The following RANBP3L variants were observed in gnomAD, a reference collection of about 807,000 sequenced individuals.
RANBP3L encodes the protein ran-binding protein 3-like.
A neutral mutation model predicts 67.2 loss-of-function variants in RANBP3L; 56 were observed. The observed-to-expected ratio is 0.83, with a 90% confidence interval of 0.67 to 1.04. The LOEUF (loss-of-function observed/expected upper bound fraction) is 1.04. Ranked by LOEUF, RANBP3L falls within the 50% of genes least tolerant of loss-of-function variation. RANBP3L has a pLI of 0.00. For synonymous variants in RANBP3L, 164 were observed against 181.4 expected (o/e 0.90, Z 0.77); for missense variants, 496 against 535.5 (o/e 0.93, Z 0.73).
chr5:36,250,275 T>C (rs1445396506), intron 13 of RANBP3L, among the ~76,000 whole-genome samples: 1 of 151,948 alleles, frequency 6.6e-6, no homozygotes, highest in Non-Finnish European at 1.5e-5. Context: ...ATTTTATATG[T>C]TTTAAAGACT....
rs1554017945 is a variant in RANBP3L, at chr5:36,277,422, CTA to C, written c.92-6113_92-6112del. Among the ~76,000 whole-genome samples, 125 of 115,292 alleles carry C rather than the reference CTA, an allele frequency of 1.1e-3. 1 individual carries two copies. The highest frequency in any genetic ancestry group is 5.5e-3 in the East Asian group (23 of 4,190). The allele number at this position is 115,292 out of a possible 152,430, so 75.6% of individuals were successfully genotyped here. A position where few individuals can be genotyped will look rare whatever the true frequency, so the allele number is the denominator to read the frequency against. On this transcript the variant is annotated intron_variant, in intron 1 of 13. Transcript: ENST00000296604. ...CATCTCTCTCTCTCTCTCTCTCTCT[CTA>C]TATATATATATATATATGTGTGTGT...
Position 36,248,661 on chromosome 5 carries a change from G to A in RANBP3L, c.*993C>T, listed in dbSNP as rs1748413484. The A allele has an allele frequency of 6.6e-6, 1 of 152,048 alleles. No individual in the cohort carries two copies. Among genetic ancestry groups the A allele is most frequent in the Non-Finnish European group, 1.5e-5 (1 of 67,986 alleles). The allele number at this position is 152,048 out of a possible 1,614,324, so 9.4% of individuals were successfully genotyped here. A position where few individuals can be genotyped will look rare whatever the true frequency, so the allele number is the denominator to read the frequency against. On this transcript the variant is annotated 3_prime_UTR_variant, in exon 14 of 14. Transcript: ENST00000296604. The stretch of plus-strand genomic sequence containing the variant: ...ATCCCCTAATCAGATAATTGCTTAG[G>A]GGTCACAATCAAAGTCACTTCGAAG...
chr5:36,290,469 G>A (rs540647352), intron 1 of RANBP3L, among the ~76,000 whole-genome samples: 2 of 151,704 alleles, frequency 1.3e-5, no homozygotes, highest in East Asian at 1.9e-4. Flanking sequence ...TGCCCACCTC[G>A]GTCTCCCAAA....
At chr5:36,257,195 T>A in intron 9 of RANBP3L, 124 bp from the exon 10 acceptor site, 1 of 807,514 alleles carries the variant, frequency 1.2e-6, no homozygotes. Context: ...TTCTAAAAAT[T>A]CAGACTGCTT....
intron 11 of RANBP3L, 85 bp from the exon 12 acceptor site, chr5:36,253,874 A>G: frequency 7.2e-7 from 1 of 1,393,246 alleles, no homozygotes; most frequent in Non-Finnish European, 9.8e-7. Context: ...TAAATCTTGT[A>G]GTTGTTTTTC....
At position 36,251,461 on chromosome 5, in the gene RANBP3L, T is replaced by C; in HGVS notation, c.1206A>G (p.Ile402Met). The change falls in exon 13 of 14, where the codon ATA becomes ATG. Residue 402 changes from isoleucine (I) to methionine (M), a missense_variant. By Grantham distance (10) the Ile-to-Met change is conservative. Coordinates refer to ENST00000296604, the MANE Select transcript of RANBP3L (RefSeq NM_145000.5). Reference sequence around the variant, plus strand: ...TTTGAAGTGCAACAAGACGATGATGTATTGCTGCATACAAATATGCTGTAT... The same window carrying C: ...TTTGAAGTGCAACAAGACGATGATGCATTGCTGCATACAAATATGCTGTAT... ...AQDTAYLYAAIHHRLVALQSF... is the reference protein window; with the variant it reads ...AQDTAYLYAAMHHRLVALQSF... The C allele has an allele frequency of 6.2e-7, 1 of 1,612,458 alleles. No individual in the cohort carries two copies. Among genetic ancestry groups the C allele is most frequent in the Non-Finnish European group, 8.5e-7 (1 of 1,179,068 alleles).
intron 1 of RANBP3L, among the ~76,000 whole-genome samples, chr5:36,292,099 G>A (rs999881331): frequency 6.7e-6 from 1 of 149,648 alleles, no homozygotes; most frequent in Non-Finnish European, 1.5e-5. Context: ...CATTCTAACT[G>A]GTGTGAGATG....
chr5:36,247,726 A>G lies in RANBP3L; in HGVS notation c.*1928T>C, dbSNP rs1748365290. 6.6e-6 allele frequency among the ~76,000 whole-genome samples: 1 copy of G among 152,174 alleles called. No individual in the cohort carries two copies. The highest frequency in any genetic ancestry group is 2.1e-4 in the South Asian group (1 of 4,814). ...TGGTGAAACCCCGTCTCTACTAAAA[A>G]TACAAAAATTAGCCAGGTATGATGG... On this transcript the variant is annotated 3_prime_UTR_variant, in exon 14 of 14. Coordinates refer to ENST00000296604, the MANE Select transcript of RANBP3L (RefSeq NM_145000.5).
chr5:36,301,344 C>T lies in RANBP3L; in HGVS notation c.73G>A (p.Glu25Lys), dbSNP rs755548569. ...SLHTCKLKLQ[E>K]DRRQQEKSVI... ...GACTCACCTTGCTGTCGCCGGTCCT[C>T]CTGCAGCTTCAGTTTACAGGTGTGC... is the stretch of plus-strand genomic sequence containing the variant. Residue 25 changes from glutamate (E) to lysine (K), a missense_variant, in exon 1 of 14, where the codon GAG becomes AAG. Glu to Lys is a moderately conservative substitution (Grantham distance 56, BLOSUM62 1). Coordinates refer to ENST00000296604, the MANE Select transcript of RANBP3L (RefSeq NM_145000.5). The T allele has an allele frequency of 9.9e-6, 16 of 1,613,596 alleles. No individual in the cohort carries two copies. The Admixed American group carries it at 2.0e-4, about 20-fold the overall frequency.
chr5:36,258,202 CT>C (rs1749131568), intron 8 of RANBP3L, among the ~76,000 whole-genome samples: 1 of 152,128 alleles, frequency 6.6e-6, no homozygotes, highest in Non-Finnish European at 1.5e-5. Context: ...ACTTGGGGCT[CT>C]GTATGTCTGT....
chr5:36,301,501 C>T lies in RANBP3L; in HGVS notation c.-85G>A, dbSNP rs62354464. 8 of 890,144 alleles carry T rather than the reference C, an allele frequency of 9.0e-6. No individual in the cohort carries two copies. Among genetic ancestry groups the T allele is most frequent in the Non-Finnish European group, 1.5e-5 (8 of 535,192 alleles). The allele number at this position is 890,144 out of a possible 1,614,324, so 55.1% of individuals were successfully genotyped here. ...CACCTAAAGTGGCCTTCACCAGACA[C>T]CCAGAAATACATAGATTCATGCAGA... On this transcript the variant is annotated 5_prime_UTR_variant, in exon 1 of 14. It adds an upstream start codon to the 5' untranslated region. Coordinates refer to ENST00000296604, the MANE Select transcript of RANBP3L (RefSeq NM_145000.5).
intron 8 of RANBP3L, among the ~76,000 whole-genome samples, chr5:36,258,818 G>A (rs750903588): frequency 2.7e-4 from 41 of 152,146 alleles, no homozygotes; most frequent in Non-Finnish European, 5.3e-4. Context: ...AACCACTTAG[G>A]TGGTTTTCAA....
At chr5:36,277,422 C>CTCTCTCTA (rs377029015) in intron 1 of RANBP3L, among the ~76,000 whole-genome samples, 11 of 115,252 alleles carry the variant, frequency 9.5e-5, no homozygotes, top group African/African-American at 3.0e-4. Flanking sequence ...CTCTCTCTCT[C>CTCTCTCTA]TATATATATA....
intron 10 of RANBP3L, 126 bp downstream of exon 10, chr5:36,256,815 A>G: frequency 1.2e-6 from 1 of 840,482 alleles, no homozygotes; most frequent in Non-Finnish European, 1.8e-6. Context: ...CAACATTTTT[A>G]TTTAAGCAAC....
chr5:36,289,978 T>C (rs1183281801), intron 1 of RANBP3L, among the ~76,000 whole-genome samples: 4 of 152,196 alleles, frequency 2.6e-5, no homozygotes, highest in African/African-American at 9.7e-5. Context: ...AAGAGGAAAA[T>C]GTGCAATCTT....
intron 4 of RANBP3L, among the ~76,000 whole-genome samples, chr5:36,267,899 A>G (rs1046022317): frequency 6.6e-6 from 1 of 152,124 alleles, no homozygotes; most frequent in African/African-American, 2.4e-5. Context: ...AGTAAGTAAA[A>G]TAATGCAAAT....
chr5:36,256,806 A>T, intron 10 of RANBP3L, 135 bp downstream of exon 10: 1 of 751,766 alleles, frequency 1.3e-6, no homozygotes. Flanking sequence ...GAGAGCATCC[A>T]ACATTTTTAT....
intron 1 of RANBP3L, among the ~76,000 whole-genome samples, chr5:36,295,497 CAATT>C (rs979092322): frequency 6.6e-6 from 1 of 152,096 alleles, no homozygotes; most frequent in Non-Finnish European, 1.5e-5. Flanking sequence ...AACTGTGTGT[CAATT>C]AAACCTCTTT....
Position 36,301,419 on chromosome 5 carries a change from T to A in RANBP3L, c.-3A>T. On this transcript the variant is annotated 5_prime_UTR_variant, in exon 1 of 14. Transcript: ENST00000296604. ...CCTTTTCTTGGTATGGTAGTCATGG[T>A]CCTAGCAGTATGGCTGTGACTCAAG... 6.2e-7 allele frequency: 1 copy of A among 1,612,364 alleles called. No individual in the cohort carries two copies. Among genetic ancestry groups the A allele is most frequent in the Non-Finnish European group, 8.5e-7 (1 of 1,179,066 alleles).
Sources: allele counts gnomAD v4.1 joint callset (sites outside exome capture counted in the v4.1 genomes callset), GRCh38; gene constraint gnomAD v4.1.1; transcripts MANE v1.5; gene names NCBI Gene and HGNC (gene_info 2026-07-23, HGNC 2026-07-21).